TTC28: variants seen among roughly 807,000 people sequenced by gnomAD.
TTC28 encodes tetratricopeptide repeat protein 28.
Under a neutral mutation model 198.0 loss-of-function variants are expected in TTC28, and 61 were observed. That is an observed-to-expected ratio of 0.31 (90% CI 0.25 to 0.38). The LOEUF is 0.38. Among genes scored for constraint, TTC28 ranks in the 10% least tolerant of loss-of-function variants. The pLI is 1.00. For synonymous variants in TTC28, 1,171 were observed against 1,297.8 expected (o/e 0.90, Z 2.10); for missense variants, 2,678 against 3,164.0 (o/e 0.85, Z 3.69).
chr22:28,574,512 C>T (rs905927983), intron 2 of TTC28, among the ~76,000 whole-genome samples: 2 of 152,124 alleles, frequency 1.3e-5, no homozygotes, highest in African/African-American at 4.8e-5. Context: ...TTTTGATATA[C>T]TGATTTCCTT....
chr22:28,538,075 A>ATAGGTATATCTCT, intron 2 of TTC28, among the ~76,000 whole-genome samples: 1 of 152,286 alleles, frequency 6.6e-6, no homozygotes, highest in East Asian at 1.9e-4. Context: ...TTTAATATTT[A>ATAGGTATATCTCT]TAGGTATATC....
At chr22:28,434,262 G>A (rs193235860) in intron 2 of TTC28, among the ~76,000 whole-genome samples, 3 of 152,310 alleles carry the variant, frequency 2.0e-5, no homozygotes, top group African/African-American at 2.4e-5. Flanking sequence ...TACTGTGTTA[G>A]AGCAGTAGAA....
intron 2 of TTC28, among the ~76,000 whole-genome samples, chr22:28,616,153 G>T (rs2050901966): frequency 2.0e-5 from 3 of 152,158 alleles, no homozygotes; most frequent in Non-Finnish European, 2.9e-5. Flanking sequence ...CAGGGAAGTA[G>T]TATGGTATAG....
intron 2 of TTC28, among the ~76,000 whole-genome samples, chr22:28,478,458 G>A (rs1223389519): frequency 2.6e-5 from 4 of 152,112 alleles, no homozygotes; most frequent in South Asian, 2.1e-4. Flanking sequence ...GCAGTGAGCC[G>A]AGATCGCACC....
chr22:28,608,513 A>C (rs80099580), intron 2 of TTC28, among the ~76,000 whole-genome samples: 2,883 of 152,312 alleles, frequency 0.019, 25 homozygotes, highest in Non-Finnish European at 0.025. Context: ...GTTTAATTAA[A>C]AACTTTAAAA....
chr22:28,392,128 G>A (rs1265273481), intron 2 of TTC28, among the ~76,000 whole-genome samples: 1 of 152,104 alleles, frequency 6.6e-6, no homozygotes, highest in Non-Finnish European at 1.5e-5. Context: ...GCCCCTGGTG[G>A]GGGATGCCTC....
At chr22:28,170,980 CTTT>C (rs76585422) in intron 5 of TTC28, among the ~76,000 whole-genome samples, 2 of 132,800 alleles carry the variant, frequency 1.5e-5, no homozygotes, top group African/African-American at 5.5e-5. Context: ...GCCACTCATT[CTTT>C]TTTTTTTTTT....
At chr22:28,281,224 A>AATT (rs1278495999) in intron 5 of TTC28, among the ~76,000 whole-genome samples, 3 of 152,088 alleles carry the variant, frequency 2.0e-5, no homozygotes, top group African/African-American at 7.2e-5. Context: ...ACATGTATAT[A>AATT]ATTATACATA....
chr22:28,052,374 G>A (rs750540909), intron 12 of TTC28, among the ~76,000 whole-genome samples: 7 of 151,988 alleles, frequency 4.6e-5, no homozygotes, highest in East Asian at 1.9e-4. Context: ...TTCCTATTTC[G>A]TAGATTTTTG....
intron 13 of TTC28, among the ~76,000 whole-genome samples, chr22:28,015,743 C>T (rs931374663): frequency 2.0e-5 from 3 of 151,934 alleles, no homozygotes; most frequent in African/African-American, 7.3e-5. Flanking sequence ...ATCTCTTAAC[C>T]TCGATTTAGA....
intron 2 of TTC28, among the ~76,000 whole-genome samples, chr22:28,569,367 C>A (rs2050027215): frequency 6.6e-6 from 1 of 151,918 alleles, no homozygotes; most frequent in Non-Finnish European, 1.5e-5. Context: ...GACACATATA[C>A]AATGGAGCAG....
At chr22:28,670,058 T>C (rs947859591) in intron 1 of TTC28, among the ~76,000 whole-genome samples, 1 of 141,676 alleles carries the variant, frequency 7.1e-6, no homozygotes, top group Non-Finnish European at 1.5e-5. Flanking sequence ...CCAGATCAAG[T>C]AATCCTACTC....
chr22:28,559,712 C>T (rs1348412882), intron 2 of TTC28, among the ~76,000 whole-genome samples: 2 of 152,164 alleles, frequency 1.3e-5, no homozygotes, highest in Admixed American at 1.3e-4. Flanking sequence ...TAGGATATCA[C>T]GTTCTCCAGT....
At chr22:28,494,880 A>C (rs1283880370) in intron 2 of TTC28, among the ~76,000 whole-genome samples, 2 of 152,116 alleles carry the variant, frequency 1.3e-5, no homozygotes, top group African/African-American at 4.8e-5. Context: ...TAATACCCTC[A>C]GAGGGATGAG....
intron 2 of TTC28, among the ~76,000 whole-genome samples, chr22:28,496,103 T>C (rs553474866): frequency 6.6e-6 from 1 of 152,272 alleles, no homozygotes; most frequent in South Asian, 2.1e-4. Context: ...CCTACATCAC[T>C]GCTTGGTCTT....
At chr22:28,223,895 C>A (rs134175) in intron 5 of TTC28, among the ~76,000 whole-genome samples, 147,764 of 152,344 alleles carry the variant, frequency 0.97, 71,691 homozygotes, top group East Asian at 1. Context: ...TGGATTTTGG[C>A]GGGAAAATCC....
At chr22:28,250,702 ACATATTTAGT>A (rs769228654) in intron 5 of TTC28, among the ~76,000 whole-genome samples, 1 of 152,248 alleles carries the variant, frequency 6.6e-6, no homozygotes, top group Non-Finnish European at 1.5e-5. Flanking sequence ...AAAAGTCTGT[ACATATTTAGT>A]ATAGACACAA....
At chr22:28,576,666 G>T (rs974178799) in intron 2 of TTC28, among the ~76,000 whole-genome samples, 1 of 152,004 alleles carries the variant, frequency 6.6e-6, no homozygotes, top group Non-Finnish European at 1.5e-5. Context: ...CTTGTTCCTT[G>T]TTATTGGTCT....
At chr22:28,423,415 AAAC>A (rs1247538887) in intron 2 of TTC28, among the ~76,000 whole-genome samples, 9 of 152,092 alleles carry the variant, frequency 5.9e-5, no homozygotes, top group Middle Eastern at 3.2e-3. Context: ...AGAAAAAAGA[AAAC>A]AACAACAACA....
Sources: allele counts gnomAD v4.1 joint callset (sites outside exome capture counted in the v4.1 genomes callset), GRCh38; gene constraint gnomAD v4.1.1; transcripts MANE v1.5; gene names NCBI Gene and HGNC (gene_info 2026-07-23, HGNC 2026-07-21).